The following MYO10 variants were observed in gnomAD, a reference collection of about 807,000 sequenced individuals.
The protein encoded by MYO10 is unconventional myosin-X.
MYO10 carries 133 observed loss-of-function variants against 257.3 expected under a neutral mutation model. The observed-to-expected ratio is 0.52, with a 90% CI of 0.45 to 0.60. The LOEUF is 0.60. Ranked by LOEUF, MYO10 falls within the 20% of genes least tolerant of loss-of-function variation. MYO10 has a pLI of 0.00. For missense variants in MYO10, 2,399 were observed against 2,635.7 expected (o/e 0.91, Z 1.97); for synonymous variants, 1,104 against 1,028.6 (o/e 1.07, Z -1.40).
chr5:16,769,772 T>C (rs1740990020), intron 9 of MYO10, among the ~76,000 whole-genome samples: 1 of 152,182 alleles, frequency 6.6e-6, no homozygotes, highest in African/African-American at 2.4e-5. Flanking sequence ...AAGCCTCCTA[T>C]ATATGCTACA....
Position 16,694,514 on chromosome 5 carries a change from G to A in MYO10, c.3657C>T (p.Leu1219=), listed in dbSNP as rs780175821. The A allele has an allele frequency of 5.6e-6, 9 of 1,613,920 alleles. No homozygotes were observed. The highest frequency in any genetic ancestry group is 1.6e-4 in the Middle Eastern group (1 of 6,062). ...TGGAGGAGCCCCCCCCTTTTTTGTG[G>A]AGCCAGCCTTGCTTGAGGGCCTCCT... is the stretch of plus-strand genomic sequence containing the variant. ...SKQEALKQGW[L]HKKGGGSSTL... is the part of the protein sequence containing the mutation. Residue 1219 remains leucine, a synonymous_variant, in exon 27 of 41, where the codon CTC becomes CTT. Transcript: ENST00000513610.
chr5:16,936,121 C>G lies in MYO10; in HGVS notation c.-313G>C, dbSNP rs570938715. 4.0e-4 allele frequency: 162 copies of G among 402,876 alleles called. No homozygotes were observed. The highest frequency in any genetic ancestry group is 3.3e-3 in the African/African-American group (157 of 46,888). The allele number at this position is 402,876 out of a possible 1,614,324, so 25.0% of individuals were successfully genotyped here. On this transcript the variant is annotated 5_prime_UTR_variant, in exon 1 of 41. Coordinates refer to ENST00000513610, the MANE Select transcript of MYO10 (RefSeq NM_012334.3). The stretch of plus-strand genomic sequence containing the variant: ...TCTTCCCCCAGGCGGGGGAAGGCGG[C>G]GGGGTGCTGGCGAGCGCGGCCCCCT...
chr5:16,844,256 T>C (rs1743565621), intron 2 of MYO10, among the ~76,000 whole-genome samples: 1 of 152,238 alleles, frequency 6.6e-6, no homozygotes, highest in Non-Finnish European at 1.5e-5. Flanking sequence ...AATAATTATT[T>C]ATCGAATTCA....
At chr5:16,815,539 G>C in intron 3 of MYO10, 1 of 664,064 alleles carries the variant, frequency 1.5e-6, no homozygotes, top group Non-Finnish European at 2.7e-6. Flanking sequence ...TTTGTAATAT[G>C]AATGGCATTT....
chr5:16,701,582 G>A lies in MYO10; in HGVS notation c.2813C>T (p.Ala938Val). The A allele has an allele frequency of 6.2e-7, 1 of 1,613,742 alleles. No individual in the cohort carries two copies. The change falls in exon 25 of 41, where the codon GCC (alanine) becomes GTC (valine). Residue 938 changes from alanine (A) to valine (V), a missense_variant. By Grantham distance (64) the Ala-to-Val change is moderately conservative. Coordinates refer to ENST00000513610, the MANE Select transcript of MYO10 (RefSeq NM_012334.3). This position sits in a 1 kb window ranked among gnomAD's most constrained non-coding sequence, Gnocchi z 8.1. Reference sequence around the variant, plus strand: ...ATTGAGGGACTCGAGGAACTCCTGGGCCGCCCTGCACGCTTCCTCCTCCAG... The same window carrying A: ...ATTGAGGGACTCGAGGAACTCCTGGACCGCCCTGCACGCTTCCTCCTCCAG... Reference protein sequence around the residue: ...RRLEEEACRAAQEFLESLNFD... With the variant: ...RRLEEEACRAVQEFLESLNFD...
chr5:16,804,187 C>G (rs1452214183), intron 3 of MYO10, among the ~76,000 whole-genome samples: 3 of 152,220 alleles, frequency 2.0e-5, no homozygotes, highest in Non-Finnish European at 2.9e-5. Context: ...TGGCTGACGT[C>G]TCCTTGTCCC....
rs760367807 is a variant in MYO10 at position 16,676,110 on chromosome 5, C to T, written c.4587G>A (p.Arg1529=). 8.7e-6 allele frequency: 14 copies of T among 1,613,308 alleles called. No homozygotes were observed. In the East Asian group the frequency reaches 2.9e-4, roughly 33 times the overall value. ...NSDVVEQIYK[R]NPILRYTHHP... ...GATGGGTGTATCGAAGGATCGGGTTCCGCTTGTAAATCTGTTCCACCACAT... is the reference window on the plus strand; with the variant it reads ...GATGGGTGTATCGAAGGATCGGGTTTCGCTTGTAAATCTGTTCCACCACAT... The change falls in exon 34 of 41, where the codon CGG becomes CGA. Residue 1529 remains arginine, a synonymous_variant. Transcript: ENST00000513610.
At position 16,790,866 on chromosome 5, in the gene MYO10, G is replaced by A. The variant is rs75846406; in HGVS notation, c.467+3780C>T. Among the ~76,000 whole-genome samples, 1,055 of 150,818 alleles carry A rather than the reference G, an allele frequency of 7.0e-3. 9 individuals carry two copies. Among genetic ancestry groups the A allele is most frequent in the African/African-American group, 0.024 (1,004 of 41,156 alleles). On this transcript the variant is annotated intron_variant, in intron 4 of 40. Transcript: ENST00000513610. ...AACCAAAGTCAAACACTGACCTTAT[G>A]AGATGGAAAATTCAAGTAAGTTTTA...
intron 9 of MYO10, among the ~76,000 whole-genome samples, chr5:16,774,951 G>A (rs966706184): frequency 6.6e-6 from 1 of 150,806 alleles, no homozygotes; most frequent in Non-Finnish European, 1.5e-5. Context: ...GATATACCCA[G>A]GAAGGTCCAT....
chr5:16,744,830 T>C (rs1740137952), intron 19 of MYO10, among the ~76,000 whole-genome samples: 1 of 151,956 alleles, frequency 6.6e-6, no homozygotes, highest in African/African-American at 2.4e-5. Context: ...TGAGATGGTA[T>C]TGCATAATGT....
chr5:16,708,548 G>A (rs576867377), intron 21 of MYO10, among the ~76,000 whole-genome samples: 3 of 152,262 alleles, frequency 2.0e-5, no homozygotes, highest in Non-Finnish European at 4.4e-5. Flanking sequence ...GAGGTGACTC[G>A]TTTATAGAGA....
chr5:16,683,757 G>A (rs1457866274), intron 30 of MYO10, 123 bp downstream of exon 30: 12 of 895,060 alleles, frequency 1.3e-5, no homozygotes, highest in Non-Finnish European at 2.1e-5. Context: ...TTGACAAGGT[G>A]GGAACACACA....
intron 29 of MYO10, among the ~76,000 whole-genome samples, chr5:16,685,286 C>T (rs1332499168): frequency 1.3e-5 from 2 of 152,118 alleles, no homozygotes; most frequent in African/African-American, 2.4e-5. Flanking sequence ...TCATAGCTCA[C>T]TGTAGCCTCG....
rs990168561 is a variant in MYO10 at position 16,668,796 on chromosome 5, C to T, written c.5884-328G>A. 6.6e-5 allele frequency among the ~76,000 whole-genome samples: 10 copies of T among 152,126 alleles called. 1 individual carries two copies. The highest frequency in any genetic ancestry group is 2.0e-4 in the Admixed American group (3 of 15,262). On this transcript the variant is annotated intron_variant, in intron 39 of 40. Transcript: ENST00000513610. Reference sequence around the variant, plus strand: ...TGGCCTGGAAACGTACATGCTTGGCCGGGGGACTTAAGGAAGCTTCCCTGC... The same window carrying T: ...TGGCCTGGAAACGTACATGCTTGGCTGGGGGACTTAAGGAAGCTTCCCTGC...
At chr5:16,928,343 T>C (rs973251430) in intron 1 of MYO10, among the ~76,000 whole-genome samples, 9 of 152,082 alleles carry the variant, frequency 5.9e-5, no homozygotes, top group Non-Finnish European at 1.2e-4. Context: ...TACAGGCCCA[T>C]GTCACCACGC....
intron 2 of MYO10, among the ~76,000 whole-genome samples, chr5:16,831,253 A>G (rs983561609): frequency 6.6e-6 from 1 of 152,196 alleles, no homozygotes; most frequent in African/African-American, 2.4e-5. Context: ...AACAGGGAAC[A>G]CTTCTACACT....
chr5:16,689,743 A>T (rs576138508), intron 28 of MYO10, 81 bp downstream of exon 28: 4 of 1,202,216 alleles, frequency 3.3e-6, no homozygotes, highest in Non-Finnish European at 1.2e-6. Flanking sequence ...CCAGTACAGT[A>T]AACAGTGCTC....
intron 33 of MYO10, among the ~76,000 whole-genome samples, chr5:16,678,661 G>C (rs1246168434): frequency 6.6e-6 from 1 of 152,174 alleles, no homozygotes; most frequent in Non-Finnish European, 1.5e-5. Flanking sequence ...TACCACTTTG[G>C]AATCAGGAGG....
intron 3 of MYO10, among the ~76,000 whole-genome samples, chr5:16,815,711 C>T (rs1266281152): frequency 6.6e-6 from 1 of 152,154 alleles, no homozygotes; most frequent in Non-Finnish European, 1.5e-5. Flanking sequence ...ACGCACAGTG[C>T]AGCGGTCATG....
Sources: gnomAD v4.1 joint callset for allele counts (sites outside exome capture counted in the v4.1 genomes callset) on GRCh38, gnomAD v4.1.1 for gene constraint, Gnocchi (gnomAD v3.1) non-coding constraint, MANE v1.5 for transcripts, NCBI Gene and HGNC (gene_info 2026-07-23, HGNC 2026-07-21) for gene names.